UVRAG: variants seen among roughly 807,000 people sequenced by gnomAD.
UVRAG encodes the protein UV radiation resistance associated.
A neutral mutation model predicts 78.0 loss-of-function variants in UVRAG; 19 were observed. The ratio of observed to expected loss-of-function variants is 0.24; its 90% CI spans 0.17 to 0.36. The LOEUF is 0.36. UVRAG is among the 10% of genes least tolerant of loss of function. The pLI is 1.00. For missense variants in UVRAG, 740 were observed against 853.8 expected (o/e 0.87, Z 1.66); for synonymous variants, 323 against 324.6 (o/e 1.00, Z 0.05).
At chr11:75,952,635 C>A (rs547499342) in intron 6 of UVRAG, among the ~76,000 whole-genome samples, 9 of 152,066 alleles carry the variant, frequency 5.9e-5, no homozygotes, top group African/African-American at 2.2e-4. Flanking sequence ...CTCAGATAAA[C>A]CCACTTGATC....
intron 13 of UVRAG, among the ~76,000 whole-genome samples, chr11:76,070,866 A>G (rs1951292952): frequency 6.6e-6 from 1 of 152,232 alleles, no homozygotes; most frequent in Non-Finnish European, 1.5e-5. Context: ...CTTAATGATT[A>G]CAGTTTCCGT....
rs929533853 is a variant in UVRAG, at chr11:75,818,635, C to T, written c.117+3111C>T. ...CTGGGATTACAAGCACCTGCCACCA[C>T]GCCCAGCTAATTTTTGTATTTTTAG... is the stretch of plus-strand genomic sequence containing the variant. On this transcript the variant is annotated intron_variant, in intron 1 of 14. Transcript: ENST00000356136. Among the ~76,000 whole-genome samples the T allele has an allele frequency of 7.2e-5, 11 of 151,922 alleles. No homozygotes were observed. The East Asian group carries it at 7.7e-4, about 11-fold the overall frequency.
intron 12 of UVRAG, among the ~76,000 whole-genome samples, chr11:76,044,705 C>CG (rs1950713130): frequency 6.6e-6 from 1 of 151,968 alleles, no homozygotes; most frequent in South Asian, 2.1e-4. Flanking sequence ...ACCTGGGAGA[C>CG]GGAGGCTGTA....
At chr11:75,829,928 C>T (rs1245185620) in intron 1 of UVRAG, among the ~76,000 whole-genome samples, 2 of 152,246 alleles carry the variant, frequency 1.3e-5, no homozygotes, top group Admixed American at 1.3e-4. Flanking sequence ...CAGCCTCCAC[C>T]TGCTGGGTTT....
At chr11:75,916,105 T>C (rs1947847005) in intron 6 of UVRAG, 1 of 152,236 alleles carries the variant, frequency 6.6e-6, no homozygotes, top group Non-Finnish European at 1.5e-5. Context: ...AGTATAGTTT[T>C]CATTGTTTTT....
intron 1 of UVRAG, among the ~76,000 whole-genome samples, chr11:75,838,791 C>T (rs1458818917): frequency 3.3e-5 from 5 of 152,174 alleles, no homozygotes; most frequent in African/African-American, 1.2e-4. Flanking sequence ...GAGGTAGGGT[C>T]TTTAAGAGGT....
At chr11:75,884,936 A>G (rs1228648966) in intron 4 of UVRAG, among the ~76,000 whole-genome samples, 1 of 152,110 alleles carries the variant, frequency 6.6e-6, no homozygotes, top group Non-Finnish European at 1.5e-5. Context: ...TGGGATTTTG[A>G]TAGATGTTGA....
At chr11:76,101,450 G>A (rs145117257) in intron 13 of UVRAG, among the ~76,000 whole-genome samples, 21 of 151,840 alleles carry the variant, frequency 1.4e-4, no homozygotes, top group African/African-American at 4.4e-4. Context: ...TAATGGGGTC[G>A]TTTGTTTTTC....
rs7118569 is a variant in UVRAG, at chr11:75,815,437, C to G, written c.30C>G (p.Pro10=). The G allele has an allele frequency of 0.11, 136,060 of 1,246,606 alleles. 9,245 individuals are homozygous for G. Among genetic ancestry groups the G allele is most frequent in the African/African-American group, 0.29 (18,792 of 64,434 alleles). 77.2% of individuals were successfully genotyped at this position (1,246,606 alleles called of 1,614,324 possible). A position where few individuals can be genotyped will look rare whatever the true frequency, so the allele number is the denominator to read the frequency against. MSASASVGG[P]VPQPPPGPAA... ...GCGCCTCCGCGTCGGTCGGGGGCCC[C>G]GTCCCCCAGCCACCCCCGGGCCCGG... Residue 10 remains proline, a synonymous_variant, in exon 1 of 15, where the codon CCC becomes CCG. Transcript: ENST00000356136.
chr11:75,833,596 A>G (rs1255770546), intron 1 of UVRAG, among the ~76,000 whole-genome samples: 1 of 152,178 alleles, frequency 6.6e-6, no homozygotes, highest in African/African-American at 2.4e-5. Flanking sequence ...ACATAGAGAA[A>G]TATAGAGGTG....
At chr11:75,988,509 T>A (rs1219097361) in intron 8 of UVRAG, among the ~76,000 whole-genome samples, 1 of 152,262 alleles carries the variant, frequency 6.6e-6, no homozygotes, top group African/African-American at 2.4e-5. Flanking sequence ...ATTTACCTGT[T>A]AATGGCCATT....
At chr11:75,902,761 A>G (rs1182516882) in intron 5 of UVRAG, among the ~76,000 whole-genome samples, 1 of 152,104 alleles carries the variant, frequency 6.6e-6, no homozygotes, top group East Asian at 1.9e-4. Context: ...ATCTGTGGCT[A>G]CTTTTCCCTC....
chr11:76,028,644 A>G (rs1177676009), intron 12 of UVRAG, among the ~76,000 whole-genome samples: 2 of 152,200 alleles, frequency 1.3e-5, no homozygotes, highest in East Asian at 3.8e-4. Flanking sequence ...ACCAGCCGCA[A>G]CATTCCCATA....
chr11:76,135,404 A>G (rs1952582963), intron 14 of UVRAG, among the ~76,000 whole-genome samples: 1 of 152,238 alleles, frequency 6.6e-6, no homozygotes, highest in Admixed American at 6.5e-5. Context: ...AACTTGATCC[A>G]AGGAAGCCAA....
At chr11:75,968,581 C>T (rs1459027978) in intron 7 of UVRAG, among the ~76,000 whole-genome samples, 1 of 152,114 alleles carries the variant, frequency 6.6e-6, no homozygotes, top group Non-Finnish European at 1.5e-5. Context: ...ATATGCCTTC[C>T]CATATTAATG....
chr11:75,849,493 C>CAAAAAAAA (rs59733905), intron 1 of UVRAG, among the ~76,000 whole-genome samples: 2 of 112,228 alleles, frequency 1.8e-5, no homozygotes, highest in African/African-American at 6.4e-5. Context: ...GACTCCATCT[C>CAAAAAAAA]AAAAAAAAAA....
intron 14 of UVRAG, among the ~76,000 whole-genome samples, chr11:76,135,770 T>G (rs1392939874): frequency 6.6e-6 from 1 of 152,186 alleles, no homozygotes; most frequent in Non-Finnish European, 1.5e-5. Context: ...TCCAGTTGCT[T>G]GAACCTCAGG....
chr11:76,059,927 T>G (rs753882455), intron 12 of UVRAG, among the ~76,000 whole-genome samples: 5 of 152,202 alleles, frequency 3.3e-5, no homozygotes, highest in Admixed American at 6.5e-5. Flanking sequence ...TATGTATGAT[T>G]TAAAAATTTG....
chr11:75,929,156 A>G (rs1269888127), intron 6 of UVRAG, among the ~76,000 whole-genome samples: 1 of 152,174 alleles, frequency 6.6e-6, no homozygotes, highest in Non-Finnish European at 1.5e-5. Flanking sequence ...ACCATATAGT[A>G]TCCATATGAA....
Sources: gnomAD v4.1 joint callset for allele counts (sites outside exome capture counted in the v4.1 genomes callset) on GRCh38, gnomAD v4.1.1 for gene constraint, MANE v1.5 for transcripts, NCBI Gene and HGNC (gene_info 2026-07-23, HGNC 2026-07-21) for gene names.